GRK1: variants seen among roughly 807,000 people sequenced by gnomAD.
GRK1 encodes G protein-coupled receptor kinase 1, also known as rhodopsin kinase GRK1.
GRK1 carries 28 observed loss-of-function variants against 41.7 expected under a neutral mutation model. That is an observed-to-expected ratio of 0.67 (90% confidence interval 0.50 to 0.92). GRK1 has a LOEUF of 0.92. Among genes scored for constraint, GRK1 ranks in the 40% least tolerant of loss-of-function variants. GRK1 has a pLI of 0.00. For missense variants in GRK1, 703 were observed against 671.2 expected (o/e 1.05, Z -0.52); for synonymous variants, 327 against 286.7 (o/e 1.14, Z -1.42).
chr13:113,653,270 ACACCTCACCCACCCGCCG>A, the GRK1 span: 41 of 1,566,388 alleles, frequency 2.6e-5, no homozygotes, highest in African/African-American at 4.1e-5. Context: ...CCGCCGCTTC[ACACCTCACCCACCCGCCG>A]CTTCACACCT....
the GRK1 span, chr13:113,651,645 C>T: frequency 2.5e-6 from 4 of 1,585,616 alleles, no homozygotes; most frequent in African/African-American, 4.0e-5. Context: ...CTGGGGCAGC[C>T]CTGCCCGCCG....
chr13:113,671,723 G>A lies in GRK1; in HGVS notation c.985+67G>A, dbSNP rs1405085151. The A allele has an allele frequency of 1.4e-6, 1 of 700,258 alleles. No homozygotes were observed. Among genetic ancestry groups the A allele is most frequent in the East Asian group, 2.7e-5 (1 of 37,214 alleles). 43.4% of individuals were successfully genotyped at this position (700,258 alleles called of 1,614,324 possible). A position where few individuals can be genotyped will look rare whatever the true frequency, so the allele number is the denominator to read the frequency against. ...AGGGCGGGGCGCAGCTTCCTTGGGG[G>A]TCTCTGCACAACCTCACGAGGGCTG... is the stretch of plus-strand genomic sequence containing the variant. On this transcript the variant is annotated intron_variant, in intron 3 of 6. Coordinates refer to ENST00000335678, the MANE Select transcript of GRK1 (RefSeq NM_002929.3). This position sits in a 1 kb window ranked among gnomAD's most constrained non-coding sequence, Gnocchi z 4.1.
chr13:113,668,420 C>T lies in GRK1; in HGVS notation c.699+335C>T, dbSNP rs146132815. Among the ~76,000 whole-genome samples, 863 of 152,322 alleles carry T rather than the reference C, an allele frequency of 5.7e-3. 5 individuals carry two copies. Among genetic ancestry groups the T allele is most frequent in the African/African-American group, 0.019 (804 of 41,568 alleles). ...AGGGGAGGCTGAAGAGGGGCAGGGT[C>T]TCCGGATTCTTTGCCATGACTGTGG... On this transcript the variant is annotated intron_variant, in intron 1 of 6. Transcript: ENST00000335678.
At chr13:113,653,134 G>A in the GRK1 span, 19 of 1,557,636 alleles carry the variant, frequency 1.2e-5, no homozygotes, top group African/African-American at 6.8e-5. Context: ...GCTGCCCCCC[G>A]GGAAGGCCTT....
At chr13:113,657,938 G>A in the GRK1 span, 72 of 1,032,664 alleles carry the variant, frequency 7.0e-5, 2 homozygotes, top group South Asian at 1.0e-3. Context: ...TCACTGTCAG[G>A]GGCCCTCTGC....
At chr13:113,724,342 G>A (rs1457213758) in intron 4 of GRK1, among the ~76,000 whole-genome samples, 2 of 152,216 alleles carry the variant, frequency 1.3e-5, no homozygotes, top group East Asian at 3.8e-4. Context: ...TTGAGGGTCC[G>A]CGTGTCGGGC....
At chr13:113,652,710 G>C in the GRK1 span, 1 of 772,072 alleles carries the variant, frequency 1.3e-6, no homozygotes, top group Non-Finnish European at 2.2e-6. Context: ...GAACCACACG[G>C]GACAGGTGCG....
Position 113,668,013 on chromosome 13 carries a change from G to A in GRK1, c.627G>A (p.Met209Ile). 1.2e-6 allele frequency: 2 copies of A among 1,611,596 alleles called. No homozygotes were observed. Among genetic ancestry groups the A allele is most frequent in the African/African-American group, 1.3e-5 (1 of 75,022 alleles). ...TCGGGGAGGTGTCGGCCTGCCAGAT[G>A]AAGGCGACCGGCAAGCTGTATGCCT... is the stretch of plus-strand genomic sequence containing the variant. Reference protein sequence around the residue: ...GGFGEVSACQMKATGKLYACK... With the variant: ...GGFGEVSACQIKATGKLYACK... The change falls in exon 1 of 7, where the codon ATG becomes ATA. Residue 209 changes from methionine to isoleucine, a missense_variant. Transcript: ENST00000335678.
At chr13:113,664,009 A>G (rs1342214992), upstream of GRK1, among the ~76,000 whole-genome samples, 3 of 152,226 alleles carry the variant, frequency 2.0e-5, no homozygotes, top group African/African-American at 7.2e-5. This position sits in a 1 kb window ranked among gnomAD's most constrained non-coding sequence, Gnocchi z 5.4. Flanking sequence ...TAAACACTGG[A>G]AACGATCCAG....
chr13:113,727,997 TG>T (rs2049902980), intron 4 of GRK1, among the ~76,000 whole-genome samples: 1 of 31,634 alleles, frequency 3.2e-5, no homozygotes, highest in African/African-American at 2.9e-4. Flanking sequence ...CCCATGGCGA[TG>T]AGTACCCATG....
chr13:113,649,351 C>G, the GRK1 span: 1 of 1,582,624 alleles, frequency 6.3e-7, no homozygotes, highest in Non-Finnish European at 8.6e-7. The surrounding 1 kb of genome is among the most constrained non-coding windows in gnomAD (Gnocchi z 4.7). Flanking sequence ...GCAGGCGTGC[C>G]CAGGACCCCT....
At chr13:113,733,823 GTGTGTGTGCACGTGCGTGTGCATGTGTA>G in intron 6 of GRK1, among the ~76,000 whole-genome samples, 1 of 137,416 alleles carries the variant, frequency 7.3e-6, no homozygotes, top group African/African-American at 3.2e-5. Context: ...ACGTGTGTGC[GTGTGTGTGCACGTGCGTGTGCATGTGTA>G]TGTGTGCATA....
At chr13:113,662,637 T>C, upstream of GRK1, among the ~76,000 whole-genome samples, 1 of 152,210 alleles carries the variant, frequency 6.6e-6, no homozygotes, top group Non-Finnish European at 1.5e-5. Flanking sequence ...AAATCCACTG[T>C]ACATCTATAT....
chr13:113,664,201 C>T (rs932578203), upstream of GRK1, among the ~76,000 whole-genome samples: 3 of 152,050 alleles, frequency 2.0e-5, no homozygotes, highest in Admixed American at 1.3e-4. This position sits in a 1 kb window ranked among gnomAD's most constrained non-coding sequence, Gnocchi z 5.4. Flanking sequence ...TCGTGGTTGC[C>T]GGGCATTGAG....
rs761298267 is a variant in GRK1, at chr13:113,731,253, G to A, written c.1104G>A (p.Glu368=). ...CCCCCGAGCTCCTGCAGGGCGAGGAGTACGACTTCTCCGTGGACTACTTTG... is the reference window on the plus strand; with the variant it reads ...CCCCCGAGCTCCTGCAGGGCGAGGAATACGACTTCTCCGTGGACTACTTTG... ...FMAPELLQGE[E]YDFSVDYFAL... is the part of the protein sequence containing the mutation. The change falls in exon 5 of 7, where the codon GAG becomes GAA. Residue 368 remains glutamate (E), a synonymous_variant. Transcript: ENST00000335678. The surrounding 1 kb of genome is among the most constrained non-coding windows in gnomAD (Gnocchi z 5.6). 25 of 1,537,018 alleles carry A rather than the reference G, an allele frequency of 1.6e-5. No homozygotes were observed. In the African/African-American group the frequency reaches 3.0e-4, roughly 19 times the overall value.
chr13:113,729,407 G>A (rs2049917236), intron 4 of GRK1, among the ~76,000 whole-genome samples: 1 of 152,220 alleles, frequency 6.6e-6, no homozygotes, highest in Admixed American at 6.5e-5. Context: ...CTGATGGCTG[G>A]ACACACATGT....
At chr13:113,655,909 G>C in the GRK1 span, among the ~76,000 whole-genome samples, 8 of 152,252 alleles carry the variant, frequency 5.3e-5, no homozygotes, top group Admixed American at 3.9e-4. Context: ...AGAGGCTGTG[G>C]CCTGTGGACT....
the GRK1 span, among the ~76,000 whole-genome samples, chr13:113,659,670 G>A: frequency 6.6e-6 from 1 of 151,836 alleles, no homozygotes; most frequent in Non-Finnish European, 1.5e-5. Flanking sequence ...TGAGTTCAAG[G>A]GATCCTCCCA....
the GRK1 span, among the ~76,000 whole-genome samples, chr13:113,660,020 A>G: frequency 4.6e-5 from 7 of 152,244 alleles, no homozygotes; most frequent in Non-Finnish European, 8.8e-5. Context: ...AAGCAGGTAC[A>G]TGTGCTGAGC....
Sources: allele counts gnomAD v4.1 joint callset (sites outside exome capture counted in the v4.1 genomes callset), GRCh38; gene constraint gnomAD v4.1.1; non-coding constraint Gnocchi (gnomAD v3.1); transcripts MANE v1.5; gene names NCBI Gene and HGNC (gene_info 2026-07-23, HGNC 2026-07-21).